Variants in BRWD1 observed in about 807,000 individuals in gnomAD.
BRWD1 encodes bromodomain and WD repeat-containing protein 1.
BRWD1 carries 82 observed loss-of-function variants against 251.2 expected under a neutral mutation model. That is an observed-to-expected ratio of 0.33 (90% confidence interval 0.27 to 0.39). The LOEUF (loss-of-function observed/expected upper bound fraction) is 0.39. BRWD1 is among the 10% of genes least tolerant of loss of function. BRWD1 has a pLI of 1.00. For missense variants in BRWD1, 2,233 were observed against 2,711.6 expected (o/e 0.82, Z 3.92); for synonymous variants, 918 against 902.8 (o/e 1.02, Z -0.30).
intron 4 of BRWD1, among the ~76,000 whole-genome samples, chr21:39,302,953 G>A (rs1601499132): frequency 6.6e-6 from 1 of 151,866 alleles, no homozygotes; most frequent in Admixed American, 6.6e-5. Flanking sequence ...CCAGCTACTT[G>A]GGAGGCTGAG....
intron 28 of BRWD1, 101 bp from the exon 29 acceptor site, chr21:39,224,570 TGCA>T: frequency 1.4e-6 from 1 of 712,402 alleles, no homozygotes; most frequent in Admixed American, 2.5e-5. Flanking sequence ...TTAACCTCAC[TGCA>T]GCAGTACAAT....
intron 21 of BRWD1, 67 bp downstream of exon 21, chr21:39,247,634 T>C: frequency 6.8e-7 from 1 of 1,467,584 alleles, no homozygotes; most frequent in Non-Finnish European, 9.2e-7. Context: ...GTATATTCAT[T>C]CAAAGTAAAG....
At chr21:39,293,079 C>T (rs888120329) in intron 8 of BRWD1, among the ~76,000 whole-genome samples, 6 of 152,056 alleles carry the variant, frequency 3.9e-5, no homozygotes, top group Non-Finnish European at 7.3e-5. Flanking sequence ...CAAGATGAAG[C>T]AGTTAGGAAA....
upstream of BRWD1, chr21:39,314,104 G>C (rs1451334008): frequency 4.4e-6 from 2 of 455,914 alleles, no homozygotes; most frequent in African/African-American, 2.0e-5. Flanking sequence ...CGGTCGTCTG[G>C]GGCCAGTGCG....
At chr21:39,203,696 C>T (rs1029834141) in intron 37 of BRWD1, among the ~76,000 whole-genome samples, 9 of 150,906 alleles carry the variant, frequency 6.0e-5, no homozygotes, top group Non-Finnish European at 1.2e-4. Context: ...CGTGAGCCAC[C>T]GCGCCCAGCC....
intron 21 of BRWD1, among the ~76,000 whole-genome samples, chr21:39,242,099 G>C (rs1487905836): frequency 1.3e-5 from 2 of 152,184 alleles, no homozygotes; most frequent in African/African-American, 2.4e-5. Context: ...TCGCAATGTA[G>C]AAATGATTAA....
intron 23 of BRWD1, 108 bp downstream of exon 23, chr21:39,236,487 C>T: frequency 9.5e-7 from 1 of 1,055,102 alleles, no homozygotes. Flanking sequence ...CCAAGACACC[C>T]AAGGCACCAC....
At chr21:39,253,798 G>C (rs2034475392) in intron 19 of BRWD1, among the ~76,000 whole-genome samples, 2 of 152,110 alleles carry the variant, frequency 1.3e-5, no homozygotes, top group Admixed American at 1.3e-4. Flanking sequence ...ATACAAACAT[G>C]AGAAAATACT....
At chr21:39,214,751 T>G (rs990429004) in intron 32 of BRWD1, among the ~76,000 whole-genome samples, 2 of 152,126 alleles carry the variant, frequency 1.3e-5, no homozygotes, top group Non-Finnish European at 2.9e-5. Context: ...TTTTAAAAAG[T>G]TGAAAAACTG....
In BRWD1 at chr21:39,190,804, G is replaced by T; in HGVS notation, c.*5455C>A. On this transcript the variant is annotated 3_prime_UTR_variant, in exon 41 of 41. Transcript: ENST00000342449. ...GAGCTGGTAACACTGCAGTATGGCA[G>T]CATCAGGTCAAAAGACCATCAGAAA... The T allele has an allele frequency of 1.0e-6, 1 of 985,294 alleles. No homozygotes were observed. The highest frequency in any genetic ancestry group is 4.7e-5 in the South Asian group (1 of 21,282). The allele number at this position is 985,294 out of a possible 1,614,324, so 61.0% of individuals were successfully genotyped here.
At chr21:39,291,556 G>C (rs1217430057) in intron 8 of BRWD1, among the ~76,000 whole-genome samples, 1 of 151,972 alleles carries the variant, frequency 6.6e-6, no homozygotes, top group Non-Finnish European at 1.5e-5. Context: ...GCCTATACTC[G>C]CTGACCAGAC....
intron 33 of BRWD1, 60 bp from the exon 34 acceptor site, chr21:39,212,767 A>G (rs898480993): frequency 1.7e-6 from 2 of 1,164,228 alleles, no homozygotes; most frequent in Non-Finnish European, 2.5e-6. Context: ...TAATAACATA[A>G]TCTTAATAAA....
chr21:39,259,738 G>A (rs1045374858), intron 17 of BRWD1, among the ~76,000 whole-genome samples: 1 of 152,178 alleles, frequency 6.6e-6, no homozygotes, highest in Non-Finnish European at 1.5e-5. Context: ...TCAGGAGGCT[G>A]AGTCTAGAGA....
intron 29 of BRWD1, among the ~76,000 whole-genome samples, chr21:39,222,453 C>T (rs2033215859): frequency 6.6e-6 from 1 of 152,170 alleles, no homozygotes; most frequent in Non-Finnish European, 1.5e-5. Flanking sequence ...CAAGGTGAGC[C>T]TTGAACACTG....
chr21:39,303,519 CAAA>C (rs34013314), intron 4 of BRWD1, among the ~76,000 whole-genome samples: 10 of 91,682 alleles, frequency 1.1e-4, no homozygotes, highest in Admixed American at 2.9e-4. Flanking sequence ...ACTCCATCTC[CAAA>C]AAAAAAAAAA....
At chr21:39,248,220 T>C (rs1190258728) in intron 20 of BRWD1, among the ~76,000 whole-genome samples, 1 of 152,094 alleles carries the variant, frequency 6.6e-6, no homozygotes, top group African/African-American at 2.4e-5. Flanking sequence ...TCTCTATACA[T>C]AGGTGTAAAG....
chr21:39,200,600 T>G (rs988189882), intron 38 of BRWD1: 10 of 368,650 alleles, frequency 2.7e-5, no homozygotes, highest in Non-Finnish European at 4.8e-5. Context: ...AAATAGTTTT[T>G]AATTATATTT....
intron 8 of BRWD1, among the ~76,000 whole-genome samples, chr21:39,291,647 T>G (rs982426713): frequency 2.0e-5 from 3 of 152,172 alleles, no homozygotes; most frequent in Admixed American, 1.3e-4. Flanking sequence ...TATCCGCCCA[T>G]ATGTGCACAA....
chr21:39,299,509 A>G (rs2036050298), intron 4 of BRWD1, among the ~76,000 whole-genome samples: 2 of 152,216 alleles, frequency 1.3e-5, no homozygotes, highest in African/African-American at 4.8e-5. Context: ...ATTTTAAATG[A>G]AAAATAATCA....
Sources: allele counts gnomAD v4.1 joint callset (sites outside exome capture counted in the v4.1 genomes callset), GRCh38; gene constraint gnomAD v4.1.1; transcripts MANE v1.5; gene names NCBI Gene and HGNC (gene_info 2026-07-23, HGNC 2026-07-21).